Variants in L3MBTL4 observed in about 807,000 individuals in gnomAD.
L3MBTL4 encodes the protein lethal(3)malignant brain tumor-like protein 4.
In L3MBTL4, 70 loss-of-function variants were observed where a neutral mutation model predicts 84.5. That is an observed-to-expected ratio of 0.83 (90% CI 0.68 to 1.01). L3MBTL4 has a LOEUF of 1.01. Among genes scored for constraint, L3MBTL4 ranks in the 50% least tolerant of loss-of-function variants. The pLI, the probability that L3MBTL4 is intolerant of heterozygous loss-of-function variation, is 0.00. For synonymous variants in L3MBTL4, 274 were observed against 259.8 expected (o/e 1.05, Z -0.52); for missense variants, 715 against 754.8 (o/e 0.95, Z 0.62).
intron 14 of L3MBTL4, among the ~76,000 whole-genome samples, chr18:6,119,539 C>T (rs552106178): frequency 4.6e-5 from 7 of 152,250 alleles, no homozygotes; most frequent in Admixed American, 3.3e-4. Context: ...GGCTTGAATG[C>T]GTATGGATCG....
intron 12 of L3MBTL4, among the ~76,000 whole-genome samples, chr18:6,204,326 T>C (rs1023648106): frequency 2.0e-5 from 3 of 152,172 alleles, no homozygotes; most frequent in Non-Finnish European, 4.4e-5. Context: ...CTTTACCAAG[T>C]AGCAGGAGGA....
At chr18:6,238,166 T>A in intron 9 of L3MBTL4, 126 bp from the exon 10 acceptor site, 1 of 823,718 alleles carries the variant, frequency 1.2e-6, no homozygotes, top group Non-Finnish European at 2.0e-6. Context: ...TGGAGAGAAT[T>A]AGAAGGAATT....
intron 16 of L3MBTL4, among the ~76,000 whole-genome samples, chr18:6,062,245 C>T (rs184154959): frequency 1.0e-3 from 159 of 151,826 alleles, no homozygotes; most frequent in Admixed American, 2.6e-3. Context: ...ATAGTTTTAC[C>T]GCATACAGAA....
chr18:6,408,851 A>G lies in L3MBTL4; in HGVS notation c.-91+5950T>C, dbSNP rs572665419. ...CATGCCACACCAGGCTAATTTTTGTATTTTTAGTAGAGATGGGGTTTCGCC... is the reference window on the plus strand; with the variant it reads ...CATGCCACACCAGGCTAATTTTTGTGTTTTTAGTAGAGATGGGGTTTCGCC... On this transcript the variant is annotated intron_variant, in intron 1 of 18. Transcript: ENST00000317931. Among the ~76,000 whole-genome samples, 21 of 151,762 alleles carry G rather than the reference A, an allele frequency of 1.4e-4. No individual in the cohort carries two copies. In the South Asian group the frequency reaches 2.9e-3, roughly 21 times the overall value.
At chr18:6,385,627 A>ACAACT (rs1371800460) in intron 1 of L3MBTL4, among the ~76,000 whole-genome samples, 1 of 152,214 alleles carries the variant, frequency 6.6e-6, no homozygotes, top group Non-Finnish European at 1.5e-5. Flanking sequence ...AAAATATTTC[A>ACAACT]CAACTTTGAA....
chr18:6,126,151 C>A (rs1423322337), intron 14 of L3MBTL4, among the ~76,000 whole-genome samples: 2 of 152,076 alleles, frequency 1.3e-5, no homozygotes, highest in African/African-American at 2.4e-5. Flanking sequence ...AAAAAAGACA[C>A]AGATTAAAGG....
intron 4 of L3MBTL4, among the ~76,000 whole-genome samples, chr18:6,291,150 T>C (rs1412195079): frequency 6.6e-6 from 1 of 152,138 alleles, no homozygotes; most frequent in Admixed American, 6.5e-5. Flanking sequence ...ATCTCGCCCC[T>C]TTTTCTACCT....
chr18:6,080,865 GT>G lies in L3MBTL4; in HGVS notation c.1444+15del, dbSNP rs1340492899. The G allele has an allele frequency of 1.3e-6, 2 of 1,548,110 alleles. No individual in the cohort carries two copies. Among genetic ancestry groups the G allele is most frequent in the Non-Finnish European group, 1.8e-6 (2 of 1,127,288 alleles). ...AAAAAGTATATTCTGTGTTTTGCTA[GT>G]GTTTTTGTTTTTACCTCTGAAGAGA... On this transcript the variant is annotated intron_variant, in intron 16 of 18. Transcript: ENST00000317931.
intron 16 of L3MBTL4, among the ~76,000 whole-genome samples, chr18:6,049,680 A>C (rs2056772922): frequency 1.3e-5 from 2 of 152,202 alleles, no homozygotes; most frequent in African/African-American, 4.8e-5. Context: ...ACTCATGGAC[A>C]TAAAGGTGGC....
intron 12 of L3MBTL4, among the ~76,000 whole-genome samples, chr18:6,187,615 G>A (rs2044838761): frequency 6.6e-6 from 1 of 152,126 alleles, no homozygotes; most frequent in Non-Finnish European, 1.5e-5. Flanking sequence ...CCAGCTGACT[G>A]CAGAGCCTTC....
intron 10 of L3MBTL4, among the ~76,000 whole-genome samples, chr18:6,218,511 C>T (rs547531500): frequency 1.2e-4 from 18 of 152,214 alleles, no homozygotes; most frequent in Admixed American, 4.6e-4. Context: ...GAGACAGTAC[C>T]TGGTCCTGTC....
intron 12 of L3MBTL4, among the ~76,000 whole-genome samples, chr18:6,177,721 A>T (rs2145295002): frequency 6.6e-6 from 1 of 152,290 alleles, no homozygotes; most frequent in Admixed American, 6.5e-5. Flanking sequence ...AGTGCTCAAG[A>T]CATAGCCAGG....
intron 12 of L3MBTL4, among the ~76,000 whole-genome samples, chr18:6,187,958 A>G (rs887950736): frequency 6.6e-6 from 1 of 151,868 alleles, no homozygotes; most frequent in Admixed American, 6.6e-5. Flanking sequence ...CAAAGATCTA[A>G]TTATCTAGGG....
chr18:6,159,499 T>C (rs2043232315), intron 13 of L3MBTL4, among the ~76,000 whole-genome samples: 1 of 152,206 alleles, frequency 6.6e-6, no homozygotes, highest in African/African-American at 2.4e-5. Context: ...TAAGAGAAGA[T>C]GAATCGAAAC....
At chr18:6,037,921 G>A (rs2056212345) in intron 16 of L3MBTL4, among the ~76,000 whole-genome samples, 1 of 152,198 alleles carries the variant, frequency 6.6e-6, no homozygotes, top group African/African-American at 2.4e-5. Flanking sequence ...AGGAGGAGTA[G>A]GCTCCTGATG....
At chr18:5,958,154 GAAGAAC>G (rs1567912213) in intron 18 of L3MBTL4, among the ~76,000 whole-genome samples, 7 of 66,292 alleles carry the variant, frequency 1.1e-4, no homozygotes, top group African/African-American at 3.5e-4. Context: ...AGAAGAAGAA[GAAGAAC>G]AAGAAGAAGA....
intron 12 of L3MBTL4, among the ~76,000 whole-genome samples, chr18:6,198,312 C>T (rs563404368): frequency 7.9e-5 from 12 of 152,160 alleles, no homozygotes; most frequent in African/African-American, 2.9e-4. Flanking sequence ...TGATTTATTC[C>T]CTGTTTATAG....
At chr18:6,026,332 A>C (rs1421205990) in intron 16 of L3MBTL4, among the ~76,000 whole-genome samples, 1 of 152,224 alleles carries the variant, frequency 6.6e-6, no homozygotes, top group Non-Finnish European at 1.5e-5. Flanking sequence ...ATTTTACAAT[A>C]TCATCACTGT....
chr18:5,969,327 G>A, intron 17 of L3MBTL4, 66 bp downstream of exon 17: 2 of 1,556,608 alleles, frequency 1.3e-6, no homozygotes, highest in Non-Finnish European at 1.8e-6. Context: ...TGGTCAGTGG[G>A]CACCTTCCGC....
Sources: gnomAD v4.1 joint callset for allele counts (sites outside exome capture counted in the v4.1 genomes callset) on GRCh38, gnomAD v4.1.1 for gene constraint, MANE v1.5 for transcripts, NCBI Gene and HGNC (gene_info 2026-07-23, HGNC 2026-07-21) for gene names.